Variants in CACNA1C observed in about 807,000 individuals in gnomAD.
The protein encoded by CACNA1C is voltage-dependent L-type calcium channel subunit alpha-1C.
CACNA1C carries 30 observed loss-of-function variants against 229.0 expected under a neutral mutation model. The ratio of observed to expected loss-of-function variants is 0.13; its 90% CI spans 0.10 to 0.18. The LOEUF is 0.18. Among genes scored for constraint, CACNA1C ranks in the 10% least tolerant of loss-of-function variants. The pLI is 1.00. For synonymous variants in CACNA1C, 1,114 were observed against 1,132.5 expected (o/e 0.98, Z 0.33); for missense variants, 1,658 against 2,845.0 (o/e 0.58, Z 9.49).
At chr12:2,360,414 G>A (rs942360429) in intron 3 of CACNA1C, among the ~76,000 whole-genome samples, 2 of 152,136 alleles carry the variant, frequency 1.3e-5, no homozygotes, top group African/African-American at 2.4e-5. Context: ...GGACGCTGGG[G>A]CATCAAAGCT....
At position 2,085,824 on chromosome 12, in the gene CACNA1C, C is replaced by T. The variant is rs556860072; in HGVS notation, c.50-29400C>T. ...CCACTGTAAATGATAGGTGGTCCTG[C>T]ATCGTCTTACTGTTCTCAGCTTTTA... On this transcript the variant is annotated intron_variant, in intron 1 of 46. Coordinates refer to ENST00000399655, the MANE Select transcript of CACNA1C (RefSeq NM_000719.7). 4.6e-4 allele frequency among the ~76,000 whole-genome samples: 70 copies of T among 152,324 alleles called. 1 individual carries two copies. The highest frequency in any genetic ancestry group is 1.6e-3 in the African/African-American group (67 of 41,576).
intron 3 of CACNA1C, among the ~76,000 whole-genome samples, chr12:2,129,658 C>G (rs1379849108): frequency 6.6e-6 from 1 of 152,142 alleles, no homozygotes; most frequent in Non-Finnish European, 1.5e-5. Context: ...CATCCTTTTT[C>G]TGGGACTATA....
intron 3 of CACNA1C, among the ~76,000 whole-genome samples, chr12:2,308,930 G>T (rs1267418701): frequency 6.6e-6 from 1 of 152,094 alleles, no homozygotes. Flanking sequence ...AAAACAACAT[G>T]GAGGCTCCTC....
At chr12:2,126,391 T>G (rs114585502) in intron 3 of CACNA1C, among the ~76,000 whole-genome samples, 1,580 of 152,344 alleles carry the variant, frequency 0.01, 23 homozygotes, top group African/African-American at 0.036. Flanking sequence ...ACCTGTTAGG[T>G]AGATTGTCTG....
At chr12:2,232,249 T>TTTTTTTTTTTTTTTTTTTTG (rs2065578545) in intron 3 of CACNA1C, among the ~76,000 whole-genome samples, 1 of 132,892 alleles carries the variant, frequency 7.5e-6, no homozygotes, top group African/African-American at 3.0e-5. Context: ...TTTTTTTTTT[T>TTTTTTTTTTTTTTTTTTTTG]TTTGTTTGTT....
At chr12:2,408,437 T>G (rs1419976083) in intron 3 of CACNA1C, among the ~76,000 whole-genome samples, 2 of 152,118 alleles carry the variant, frequency 1.3e-5, no homozygotes, top group African/African-American at 4.8e-5. Context: ...AGTCTGGGTC[T>G]TGCTAGACTT....
intron 3 of CACNA1C, among the ~76,000 whole-genome samples, chr12:2,419,497 G>C (rs2098951992): frequency 6.6e-6 from 1 of 152,130 alleles, no homozygotes; most frequent in African/African-American, 2.4e-5. Flanking sequence ...TTGAGGGACA[G>C]ATATCTGAAC....
intron 3 of CACNA1C, among the ~76,000 whole-genome samples, chr12:2,254,405 C>T (rs1473760315): frequency 6.6e-6 from 1 of 152,194 alleles, no homozygotes; most frequent in Non-Finnish European, 1.5e-5. Flanking sequence ...ATACTCCAGT[C>T]TGTTGTTTTG....
chr12:2,403,844 C>T lies in CACNA1C; in HGVS notation c.478-45132C>T, dbSNP rs565072956. Among the ~76,000 whole-genome samples the T allele has an allele frequency of 2.0e-5, 3 of 152,256 alleles. No homozygotes were observed. Among genetic ancestry groups the T allele is most frequent in the East Asian group, 3.9e-4 (2 of 5,170 alleles). ...GTGGTGTTGACAGACTGCTGGTGTCCGTGGACCACAGCTCTGCTCTGGGGC... is the reference window on the plus strand; with the variant it reads ...GTGGTGTTGACAGACTGCTGGTGTCTGTGGACCACAGCTCTGCTCTGGGGC... On this transcript the variant is annotated intron_variant, in intron 3 of 46. Transcript: ENST00000399655. The surrounding 1 kb of genome is among the most constrained non-coding windows in gnomAD (Gnocchi z 4.1).
At chr12:2,554,931 T>C (rs527447893) in intron 10 of CACNA1C, among the ~76,000 whole-genome samples, 1 of 152,328 alleles carries the variant, frequency 6.6e-6, no homozygotes, top group East Asian at 1.9e-4. Flanking sequence ...TAAAAGCGGA[T>C]GAGGTTTTGA....
intron 3 of CACNA1C, among the ~76,000 whole-genome samples, chr12:2,289,242 A>G (rs1015602112): frequency 2.0e-5 from 3 of 152,150 alleles, no homozygotes; most frequent in Admixed American, 1.3e-4. Flanking sequence ...GCAGGTGGGA[A>G]AAAAGAGCCC....
chr12:2,546,991 T>A (rs1040573606), intron 9 of CACNA1C, among the ~76,000 whole-genome samples: 1 of 152,164 alleles, frequency 6.6e-6, no homozygotes, highest in African/African-American at 2.4e-5. Flanking sequence ...TGGTCCCATG[T>A]GAGGGAGGAG....
In CACNA1C at chr12:2,683,214, T is replaced by C. The variant is rs182584687; in HGVS notation, c.5573+536T>C. Among the ~76,000 whole-genome samples, 386 of 152,318 alleles carry C rather than the reference T, an allele frequency of 2.5e-3. 1 individual carries two copies. The highest frequency in any genetic ancestry group is 3.5e-3 in the Non-Finnish European group (236 of 68,020). On this transcript the variant is annotated intron_variant, in intron 43 of 46. Coordinates refer to ENST00000399655, the MANE Select transcript of CACNA1C (RefSeq NM_000719.7). ...GTGGTGACATCCATTTGGTCACTAA[T>C]GACTAGCCCTTAAAAGCAGGTGCAG...
chr12:2,426,890 A>T (rs945734597), intron 3 of CACNA1C, among the ~76,000 whole-genome samples: 4 of 152,248 alleles, frequency 2.6e-5, no homozygotes, highest in Non-Finnish European at 5.9e-5. Context: ...TGAGAGGAGA[A>T]GCTGCAAGGC....
intron 3 of CACNA1C, among the ~76,000 whole-genome samples, chr12:2,255,422 T>C (rs911504694): frequency 2.0e-5 from 3 of 152,174 alleles, no homozygotes; most frequent in Admixed American, 1.3e-4. Flanking sequence ...TTTACTAATG[T>C]CCTTGCCCAT....
In CACNA1C at chr12:2,108,176, C is replaced by G. The variant is rs539134366; in HGVS notation, c.50-7048C>G. ...TCTCAGTCAGGGTTCAGGCCTATAA[C>G]AGAAACTTCTGTAGCCGTGTTTAGA... On this transcript the variant is annotated intron_variant, in intron 1 of 46. Transcript: ENST00000399655. The surrounding 1 kb of genome is among the most constrained non-coding windows in gnomAD (Gnocchi z 5.3). 6.6e-6 allele frequency among the ~76,000 whole-genome samples: 1 copy of G among 152,262 alleles called. No homozygotes were observed. Among genetic ancestry groups the G allele is most frequent in the South Asian group, 2.1e-4 (1 of 4,824 alleles).
At chr12:2,148,592 G>A (rs955902741) in intron 3 of CACNA1C, among the ~76,000 whole-genome samples, 3 of 151,260 alleles carry the variant, frequency 2.0e-5, no homozygotes, top group Non-Finnish European at 4.4e-5. Context: ...CTGTCTCCCA[G>A]GCTGGAGGGC....
chr12:2,203,200 G>A (rs546430224), intron 3 of CACNA1C, among the ~76,000 whole-genome samples: 4 of 152,262 alleles, frequency 2.6e-5, no homozygotes, highest in Non-Finnish European at 5.9e-5. Context: ...GACCAGCCAG[G>A]ACTGAGAAGG....
chr12:2,412,623 G>C (rs1264462911), intron 3 of CACNA1C, among the ~76,000 whole-genome samples: 2 of 152,276 alleles, frequency 1.3e-5, no homozygotes, highest in Non-Finnish European at 1.5e-5. Flanking sequence ...AGTCACCTCC[G>C]CTTCATAGTA....
Sources: allele counts gnomAD v4.1 joint callset (sites outside exome capture counted in the v4.1 genomes callset), GRCh38; gene constraint gnomAD v4.1.1; non-coding constraint Gnocchi (gnomAD v3.1); transcripts MANE v1.5; gene names NCBI Gene and HGNC (gene_info 2026-07-23, HGNC 2026-07-21).